Variants in SHISA6 observed in about 807,000 individuals in gnomAD.
SHISA6 encodes shisa family member 6, also known as protein shisa-6.
SHISA6 carries 22 observed loss-of-function variants against 47.9 expected under a neutral mutation model. The ratio of observed to expected loss-of-function variants is 0.46; its 90% CI spans 0.33 to 0.66. The LOEUF (loss-of-function observed/expected upper bound fraction) is 0.66. Ranked by LOEUF, SHISA6 falls within the 30% of genes least tolerant of loss-of-function variation. SHISA6 has a pLI of 0.02. For synonymous variants in SHISA6, 388 were observed against 337.8 expected, an observed-to-expected ratio of 1.15 and a Z score of -1.63; for missense variants, 680 against 764.6, an observed-to-expected ratio of 0.89 and a Z score of 1.30.
At chr17:11,410,395 C>T (rs916044960) in intron 3 of SHISA6, among the ~76,000 whole-genome samples, 6 of 152,280 alleles carry the variant, frequency 3.9e-5, no homozygotes, top group African/African-American at 1.4e-4. Flanking sequence ...CTATGAACTT[C>T]TGGGTGCAGA....
intron 2 of SHISA6, among the ~76,000 whole-genome samples, chr17:11,368,261 A>G (rs1320508969): frequency 6.6e-6 from 1 of 151,470 alleles, no homozygotes; most frequent in Admixed American, 6.6e-5. Context: ...CAGTGCAGGC[A>G]GGTGTGAGAT....
chr17:11,519,291 T>C (rs1442593022), intron 3 of SHISA6, among the ~76,000 whole-genome samples: 1 of 152,118 alleles, frequency 6.6e-6, no homozygotes, highest in East Asian at 1.9e-4. Flanking sequence ...ATCTCTACAA[T>C]GGGATATCAT....
intron 2 of SHISA6, among the ~76,000 whole-genome samples, chr17:11,334,307 G>C (rs578238271): frequency 6.6e-6 from 1 of 152,254 alleles, no homozygotes; most frequent in South Asian, 2.1e-4. Flanking sequence ...TGAAAGGTTG[G>C]AGAACTGGTT....
chr17:11,269,223 G>T (rs1468936018), intron 2 of SHISA6, among the ~76,000 whole-genome samples: 1 of 152,074 alleles, frequency 6.6e-6, no homozygotes, highest in Non-Finnish European at 1.5e-5. Flanking sequence ...TGCATTTTTA[G>T]TAGAGACGAA....
chr17:11,308,430 AGC>A (rs927416615), intron 2 of SHISA6, among the ~76,000 whole-genome samples: 10 of 152,228 alleles, frequency 6.6e-5, no homozygotes, highest in South Asian at 4.1e-4. Flanking sequence ...AAATGGCAGG[AGC>A]GTGGTTTTCT....
intron 2 of SHISA6, among the ~76,000 whole-genome samples, chr17:11,368,368 C>T (rs73975343): frequency 0.016 from 2,404 of 152,184 alleles, 62 homozygotes; most frequent in African/African-American, 0.045. Flanking sequence ...TCAGGAGAAT[C>T]GCAGTGAGTG....
intron 3 of SHISA6, among the ~76,000 whole-genome samples, chr17:11,509,841 T>G (rs879256951): frequency 2.0e-5 from 3 of 152,208 alleles, no homozygotes; most frequent in Non-Finnish European, 4.4e-5. Context: ...TATTGTCTAG[T>G]GTGCTTTGTG....
intron 2 of SHISA6, among the ~76,000 whole-genome samples, chr17:11,303,792 G>A (rs1393765911): frequency 6.6e-6 from 1 of 152,190 alleles, no homozygotes; most frequent in Admixed American, 6.5e-5. Context: ...CTCGTTGTAA[G>A]GATGACTCCT....
At chr17:11,353,989 G>A (rs1195785668) in intron 2 of SHISA6, among the ~76,000 whole-genome samples, 1 of 152,072 alleles carries the variant, frequency 6.6e-6, no homozygotes, top group Non-Finnish European at 1.5e-5. Context: ...CAGCACTGTG[G>A]CATTTTAGGC....
At position 11,348,346 on chromosome 17, in the gene SHISA6, C is replaced by T. The variant is rs137859694; in HGVS notation, c.800-31068C>T. 2.2e-3 allele frequency among the ~76,000 whole-genome samples: 331 copies of T among 152,210 alleles called. 2 individuals are homozygous for T. The highest frequency in any genetic ancestry group is 7.5e-3 in the African/African-American group (310 of 41,518). ...TCAAAAACTGAACAATAGCCATGCA[C>T]CTGCAGATCGTGAGTGATGTCAACT... On this transcript the variant is annotated intron_variant, in intron 2 of 5. Coordinates refer to ENST00000441885, the MANE Select transcript of SHISA6 (RefSeq NM_207386.4).
intron 2 of SHISA6, among the ~76,000 whole-genome samples, chr17:11,269,361 C>G (rs1011153371): frequency 1.3e-5 from 2 of 152,088 alleles, no homozygotes; most frequent in Non-Finnish European, 2.9e-5. Flanking sequence ...CTTACTGAGC[C>G]CTGTGGCCCC....
intron 2 of SHISA6, among the ~76,000 whole-genome samples, chr17:11,292,977 G>A (rs757508886): frequency 1.3e-5 from 2 of 151,360 alleles, no homozygotes; most frequent in Non-Finnish European, 2.9e-5. Context: ...GGCGCCCACC[G>A]CCACACCTGG....
At position 11,255,206 on chromosome 17, in the gene SHISA6, A is replaced by T. The variant is rs753892864; in HGVS notation, c.639-8160A>T. Among the ~76,000 whole-genome samples the T allele has an allele frequency of 2.0e-5, 3 of 152,232 alleles. No homozygotes were observed. The East Asian group carries it at 5.8e-4, about 29-fold the overall frequency. On this transcript the variant is annotated intron_variant, in intron 1 of 5. Coordinates refer to ENST00000441885, the MANE Select transcript of SHISA6 (RefSeq NM_207386.4). ...GCTGAATACATGAGTTAAAGTCAGT[A>T]GAAATTAAAGTGGTCTTTTTTGTGT... is the stretch of plus-strand genomic sequence containing the variant.
At chr17:11,531,907 T>C (rs2071736974) in intron 3 of SHISA6, among the ~76,000 whole-genome samples, 1 of 152,212 alleles carries the variant, frequency 6.6e-6, no homozygotes, top group Non-Finnish European at 1.5e-5. Flanking sequence ...GATTTAATCA[T>C]TCCACAATGT....
intron 2 of SHISA6, among the ~76,000 whole-genome samples, chr17:11,325,369 C>T (rs1389714504): frequency 1.3e-5 from 2 of 151,864 alleles, no homozygotes; most frequent in African/African-American, 2.4e-5. Context: ...AACTAGGTTA[C>T]CCTCCCCACT....
chr17:11,254,853 A>T (rs1239110498), intron 1 of SHISA6, among the ~76,000 whole-genome samples: 1 of 152,238 alleles, frequency 6.6e-6, no homozygotes, highest in African/African-American at 2.4e-5. Context: ...GTCTGTCCTC[A>T]TGGGACGTGG....
chr17:11,533,772 T>G (rs1341868802), intron 3 of SHISA6, among the ~76,000 whole-genome samples: 2 of 151,384 alleles, frequency 1.3e-5, no homozygotes, highest in Non-Finnish European at 2.9e-5. Flanking sequence ...TTTTGTATTT[T>G]TAGTAGAGAC....
chr17:11,327,931 C>CTCTCTG (rs1567574164), intron 2 of SHISA6, among the ~76,000 whole-genome samples: 1 of 146,492 alleles, frequency 6.8e-6, no homozygotes, highest in African/African-American at 2.6e-5. Flanking sequence ...GTCTCTCTCT[C>CTCTCTG]TCTCTCTGTC....
intron 2 of SHISA6, among the ~76,000 whole-genome samples, chr17:11,310,285 T>A (rs1910273780): frequency 6.6e-6 from 1 of 152,224 alleles, no homozygotes; most frequent in Admixed American, 6.5e-5. Context: ...TACATATGTG[T>A]CATAATACTG....
Sources: gnomAD v4.1 joint callset for allele counts (sites outside exome capture counted in the v4.1 genomes callset) on GRCh38, gnomAD v4.1.1 for gene constraint, MANE v1.5 for transcripts, NCBI Gene and HGNC (gene_info 2026-07-23, HGNC 2026-07-21) for gene names.